STAT6: variants seen among roughly 807,000 people sequenced by gnomAD.
STAT6 encodes the protein signal transducer and activator of transcription 6.
Under a neutral mutation model 106.3 loss-of-function variants are expected in STAT6, and 45 were observed. That is an observed-to-expected ratio of 0.42 (90% CI 0.33 to 0.54). The LOEUF is 0.54. STAT6 is among the 20% of genes least tolerant of loss of function. The probability of loss-of-function intolerance (pLI) is 0.06; values close to 1 mark genes in which losing one functional copy is unlikely to be tolerated. For missense variants in STAT6, 797 were observed against 1,062.2 expected, an observed-to-expected ratio of 0.75 and a Z score of 3.47; for synonymous variants, 413 against 413.6, an observed-to-expected ratio of 1.00 and a Z score of 0.02.
intron 3 of STAT6, 35 bp from the exon 4 acceptor site, chr12:57,107,349 C>T (rs535315162): frequency 1.3e-6 from 2 of 1,590,844 alleles, no homozygotes; most frequent in South Asian, 1.1e-5. Flanking sequence ...GTGAGCTTTG[C>T]TCTTACCCAT....
Position 57,100,025 on chromosome 12 carries a change from T to C in STAT6, c.1578A>G (p.Lys526=). The C allele has an allele frequency of 1.2e-6, 2 of 1,612,898 alleles. No homozygotes were observed. The highest frequency in any genetic ancestry group is 1.7e-6 in the Non-Finnish European group (2 of 1,179,506). ...QWFDGVLDLT[K]RCLRSYWSDR... ...CAGACCAGTAGCTCCGGAGACAGCG[T>C]TTGGTGAGGTCCAGGACACCATCAA... Residue 526 remains lysine, a synonymous_variant, in exon 14 of 22, where the codon AAA becomes AAG. Transcript: ENST00000300134.
At position 57,096,262 on chromosome 12, in the gene STAT6, G is replaced by A. The variant is rs2033415409; in HGVS notation, c.*310C>T. ...TGCTCAGCCCCATCACCCTCAGAGA[G>A]CTCTGTATGTGTGTGTGCGTGCGTG... is the stretch of plus-strand genomic sequence containing the variant. On this transcript the variant is annotated 3_prime_UTR_variant, in exon 22 of 22. Transcript: ENST00000300134. The A allele has an allele frequency of 6.3e-6, 2 of 316,208 alleles. No homozygotes were observed. Among genetic ancestry groups the A allele is most frequent in the East Asian group, 6.6e-5 (1 of 15,258 alleles). The allele number at this position is 316,208 out of a possible 1,614,324, so 19.6% of individuals were successfully genotyped here. A position where few individuals can be genotyped will look rare whatever the true frequency, so the allele number is the denominator to read the frequency against.
Position 57,095,546 on chromosome 12 carries a change from A to G in STAT6, c.*1026T>C, listed in dbSNP as rs906258029. 1.3e-5 allele frequency: 2 copies of G among 152,684 alleles called. No individual in the cohort carries two copies. Among genetic ancestry groups the G allele is most frequent in the Admixed American group, 1.3e-4 (2 of 15,286 alleles). 9.5% of individuals were successfully genotyped at this position (152,684 alleles called of 1,614,324 possible). A position where few individuals can be genotyped will look rare whatever the true frequency, so the allele number is the denominator to read the frequency against. ...AGGGAAGCTGGCGGTGGATGGGGCA[A>G]CAGAAAAGATGCAGCAGGCAGGGCC... On this transcript the variant is annotated 3_prime_UTR_variant, in exon 22 of 22. Coordinates refer to ENST00000300134, the MANE Select transcript of STAT6 (RefSeq NM_003153.5).
chr12:57,099,002 C>T lies in STAT6; in HGVS notation c.1955+13G>A, dbSNP rs1028851276. On this transcript the variant is annotated intron_variant, in intron 17 of 21. Coordinates refer to ENST00000300134, the MANE Select transcript of STAT6 (RefSeq NM_003153.5). This position sits in a 1 kb window ranked among gnomAD's most constrained non-coding sequence, Gnocchi z 4.7. ...GCCCCTGACCTACCCACTGTCCATA[C>T]CACCACACTCACCTTTCCACGGTCA... 6 of 1,614,050 alleles carry T rather than the reference C, an allele frequency of 3.7e-6. No individual in the cohort carries two copies. The African/African-American group carries it at 6.7e-5, about 18-fold the overall frequency.
At chr12:57,097,207 G>A in intron 19 of STAT6, 74 bp from the exon 20 acceptor site, 1 of 1,264,016 alleles carries the variant, frequency 7.9e-7, no homozygotes, top group African/African-American at 1.5e-5. Flanking sequence ...CAGGACCACT[G>A]AGTGAGGAAA....
intron 13 of STAT6, 145 bp downstream of exon 13, chr12:57,102,145 T>C: frequency 1.1e-6 from 1 of 875,160 alleles, no homozygotes. Flanking sequence ...TTTTCCTCCC[T>C]GGTCCATGAC....
rs3024946 is a variant in STAT6 at position 57,109,015 on chromosome 12, A to G, written c.-21-716T>C. ...AGATCAAGACCATCCTGGCTAACAC[A>G]GTGAAACCCCATCTCTACTAAAAAT... On this transcript the variant is annotated intron_variant, in intron 1 of 21. Transcript: ENST00000300134. Among the ~76,000 whole-genome samples the G allele has an allele frequency of 4.6e-3, 700 of 152,182 alleles. 5 individuals are homozygous for G. Among genetic ancestry groups the G allele is most frequent in the African/African-American group, 0.016 (652 of 41,512 alleles).
chr12:57,096,232 C>G lies in STAT6; in HGVS notation c.*340G>C, dbSNP rs969249852. 5 of 251,320 alleles carry G rather than the reference C, an allele frequency of 2.0e-5. No homozygotes were observed. Among genetic ancestry groups the G allele is most frequent in the East Asian group, 1.9e-4 (2 of 10,708 alleles). 15.6% of individuals were successfully genotyped at this position (251,320 alleles called of 1,614,324 possible). On this transcript the variant is annotated 3_prime_UTR_variant, in exon 22 of 22. Transcript: ENST00000300134. ...CTAACCTGTGCTCTTACCCAGCCCCCCTCCTGCTCAGCCCCATCACCCTCA... is the reference window on the plus strand; with the variant it reads ...CTAACCTGTGCTCTTACCCAGCCCCGCTCCTGCTCAGCCCCATCACCCTCA...
In STAT6 at chr12:57,100,095, G is replaced by A. The variant is rs376329163; in HGVS notation, c.1513-5C>T. The A allele has an allele frequency of 5.0e-6, 8 of 1,587,316 alleles. No individual in the cohort carries two copies. The highest frequency in any genetic ancestry group is 6.0e-6 in the Non-Finnish European group (7 of 1,166,970). ...GCCACGGCCCAGCAGGATCTCCTAG[G>A]GGGAGAGGGGGAAAGGTGTGAGCCG... On this transcript the variant is annotated splice_polypyrimidine_tract_variant and splice_region_variant and intron_variant, in intron 13 of 21. Coordinates refer to ENST00000300134, the MANE Select transcript of STAT6 (RefSeq NM_003153.5).
chr12:57,108,948 CA>C (rs1169702214), intron 1 of STAT6, among the ~76,000 whole-genome samples: 1 of 152,208 alleles, frequency 6.6e-6, no homozygotes, highest in African/African-American at 2.4e-5. Context: ...CCTGTAATCC[CA>C]GCGCTTTGGG....
chr12:57,106,070 T>C, intron 7 of STAT6, 121 bp downstream of exon 7: 1 of 1,501,336 alleles, frequency 6.7e-7, no homozygotes, highest in Non-Finnish European at 9.0e-7. Context: ...CTGGCTTTTA[T>C]GCATCTTGGT....
At chr12:57,104,923 C>T (rs1053517487) in intron 9 of STAT6, 110 bp from the exon 10 acceptor site, 7 of 1,362,750 alleles carry the variant, frequency 5.1e-6, no homozygotes, top group Non-Finnish European at 7.2e-6. Context: ...ATCTCCATGT[C>T]TCTGTTTGGG....
intron 9 of STAT6, 113 bp downstream of exon 9, chr12:57,105,038 C>G (rs1274582475): frequency 1.5e-6 from 2 of 1,364,556 alleles, no homozygotes; most frequent in Non-Finnish European, 2.0e-6. Flanking sequence ...TTCAGGGTCT[C>G]CACATCCCAT....
At chr12:57,102,520 A>G (rs770084492) in intron 12 of STAT6, 24 bp from the exon 13 acceptor site, 102 of 1,610,934 alleles carry the variant, frequency 6.3e-5, no homozygotes, top group Non-Finnish European at 8.5e-7. Flanking sequence ...GGAAGAAGAG[A>G]GCACTGCAGG....
intron 19 of STAT6, 88 bp downstream of exon 19, chr12:57,098,417 C>T: frequency 1.5e-6 from 2 of 1,303,032 alleles, no homozygotes; most frequent in Non-Finnish European, 2.2e-6. Context: ...GCATTTGCTG[C>T]TCCTTTCTCA....
chr12:57,110,122 G>A (rs2034495950), intron 1 of STAT6: 1 of 152,236 alleles, frequency 6.6e-6, no homozygotes, highest in African/African-American at 2.4e-5. Flanking sequence ...TAGCCCAAGA[G>A]AGAAAGGTCC....
Position 57,099,318 on chromosome 12 carries a change from C to T in STAT6, c.1867G>A (p.Glu623Lys). Residue 623 changes from glutamate (E) to lysine (K), a missense_variant, in exon 16 of 22, where the codon GAG (glutamate) becomes AAG (lysine). Physicochemically the swap from Glu to Lys is moderately conservative, Grantham distance 56. Around this residue, in one of 4 missense-constraint regions of STAT6, gnomAD observed 222 missense variants for 354.6 expected, o/e 0.63. Coordinates refer to ENST00000300134, the MANE Select transcript of STAT6 (RefSeq NM_003153.5). This position sits in a 1 kb window ranked among gnomAD's most constrained non-coding sequence, Gnocchi z 4.7. ...KNLYPKKPKDEAFRSHYKPEQ... is the reference protein window; with the variant it reads ...KNLYPKKPKDKAFRSHYKPEQ... Reference sequence around the variant, plus strand: ...CGCTTGTAGTGGCTCCGGAAAGCCTCATCCTTGGGCTTCTTGGGATAGAGA... The same window carrying T: ...CGCTTGTAGTGGCTCCGGAAAGCCTTATCCTTGGGCTTCTTGGGATAGAGA... The T allele has an allele frequency of 6.2e-7, 1 of 1,614,198 alleles. No homozygotes were observed. The highest frequency in any genetic ancestry group is 1.1e-5 in the South Asian group (1 of 91,082).
chr12:57,105,018 G>A, intron 9 of STAT6, 133 bp downstream of exon 9: 3 of 1,288,340 alleles, frequency 2.3e-6, no homozygotes. Context: ...CCTTTCCTCT[G>A]CCTTGACCAT....
At chr12:57,105,391 C>G (rs1387806319) in intron 8 of STAT6, 52 bp from the exon 9 acceptor site, 2 of 1,608,348 alleles carry the variant, frequency 1.2e-6, no homozygotes, top group Non-Finnish European at 1.7e-6. Flanking sequence ...CCTGCTGGTG[C>G]CCTCCCCACA....
Sources: gnomAD v4.1 joint callset for allele counts (sites outside exome capture counted in the v4.1 genomes callset) on GRCh38, gnomAD v4.1.1 for gene constraint, gnomAD v4.1.1 regional missense constraint, Gnocchi (gnomAD v3.1) non-coding constraint, MANE v1.5 for transcripts, NCBI Gene and HGNC (gene_info 2026-07-23, HGNC 2026-07-21) for gene names.